The following ROBO1 variants were observed in gnomAD, a reference collection of about 807,000 sequenced individuals.
ROBO1 encodes roundabout homolog 1.
A neutral mutation model predicts 195.9 loss-of-function variants in ROBO1; 149 were observed. The observed-to-expected ratio is 0.76, with a 90% CI of 0.67 to 0.87. The LOEUF (loss-of-function observed/expected upper bound fraction) is 0.87, where lower values mean the gene tolerates loss of function less well. Ranked by LOEUF, ROBO1 falls within the 40% of genes least tolerant of loss-of-function variation. The pLI, the probability that ROBO1 is intolerant of heterozygous loss-of-function variation, is 0.00. For synonymous variants in ROBO1, 816 were observed against 733.2 expected (o/e 1.11, Z -1.82); for missense variants, 1,933 against 2,068.3 (o/e 0.93, Z 1.27).
intron 4 of ROBO1, among the ~76,000 whole-genome samples, chr3:78,789,640 C>A (rs116420236): frequency 1.6e-3 from 240 of 152,276 alleles, no homozygotes; most frequent in Non-Finnish European, 2.7e-3. Context: ...CTCTTTCACA[C>A]TCTTCATACC....
intron 1 of ROBO1, among the ~76,000 whole-genome samples, chr3:79,619,816 C>G (rs891624159): frequency 6.6e-6 from 1 of 152,124 alleles, no homozygotes; most frequent in Non-Finnish European, 1.5e-5. Context: ...TCTGAATATC[C>G]ATTTTATTAC....
intron 3 of ROBO1, among the ~76,000 whole-genome samples, chr3:79,075,311 A>G (rs1050160218): frequency 2.0e-5 from 3 of 152,010 alleles, no homozygotes; most frequent in African/African-American, 7.2e-5. Flanking sequence ...AGCTTCCTAC[A>G]TAGGTATGAA....
At chr3:78,904,137 C>G (rs993439785) in intron 4 of ROBO1, among the ~76,000 whole-genome samples, 1 of 151,220 alleles carries the variant, frequency 6.6e-6, no homozygotes, top group Admixed American at 6.6e-5. Flanking sequence ...CATATATATA[C>G]ATATATATAC....
intron 2 of ROBO1, among the ~76,000 whole-genome samples, chr3:79,166,205 A>C (rs116704839): frequency 1.2e-3 from 189 of 152,350 alleles, no homozygotes; most frequent in African/African-American, 4.4e-3. Flanking sequence ...TGAAGATCAT[A>C]AAGGCACAGA....
Position 79,746,484 on chromosome 3 carries a change from C to T in ROBO1, c.-51+21268G>A, listed in dbSNP as rs927448650. On this transcript the variant is annotated intron_variant, in intron 1 of 30. Coordinates refer to ENST00000464233, the MANE Select transcript of ROBO1 (RefSeq NM_002941.4). ...TTCCAACATCATCTTCTAAAACAAA[C>T]ATGTTGTAATAAGAGGTATTTTCAA... Among the ~76,000 whole-genome samples the T allele has an allele frequency of 3.9e-5, 6 of 152,098 alleles. No individual in the cohort carries two copies. In the East Asian group the frequency reaches 1.2e-3, roughly 29 times the overall value.
At position 79,098,226 on chromosome 3, in the gene ROBO1, T is replaced by C. The variant is rs78991349; in HGVS notation, c.172+27230A>G. Among the ~76,000 whole-genome samples the C allele has an allele frequency of 2.0e-3, 311 of 152,004 alleles. 1 individual carries two copies. The highest frequency in any genetic ancestry group is 7.2e-3 in the African/African-American group (298 of 41,540). ...TTATCATTGTGGACAGATCAATATG[T>C]AAATTGCTTACTTTTCTTTGTCCTT... On this transcript the variant is annotated intron_variant, in intron 3 of 30. Coordinates refer to ENST00000464233, the MANE Select transcript of ROBO1 (RefSeq NM_002941.4).
chr3:78,853,827 T>A (rs957651421), intron 4 of ROBO1, among the ~76,000 whole-genome samples: 1 of 152,092 alleles, frequency 6.6e-6, no homozygotes, highest in Non-Finnish European at 1.5e-5. Flanking sequence ...GGACATCTTA[T>A]GTGGTGGCAG....
At chr3:79,582,850 G>T (rs1943702303) in intron 2 of ROBO1, among the ~76,000 whole-genome samples, 1 of 151,840 alleles carries the variant, frequency 6.6e-6, no homozygotes, top group Admixed American at 6.6e-5. Context: ...CTGCACCTTG[G>T]CATGAGCCTG....
At chr3:78,643,345 T>G (rs1048853450) in intron 21 of ROBO1, among the ~76,000 whole-genome samples, 3 of 152,214 alleles carry the variant, frequency 2.0e-5, no homozygotes, top group Non-Finnish European at 2.9e-5. Flanking sequence ...GAGCCATAAT[T>G]CACTGACCTC....
chr3:78,689,144 G>T (rs2081115774), intron 8 of ROBO1, among the ~76,000 whole-genome samples: 2 of 152,052 alleles, frequency 1.3e-5, no homozygotes, highest in African/African-American at 2.4e-5. Context: ...TACACACAAG[G>T]ATCTCCTGAT....
At chr3:79,457,797 A>T (rs2039669518) in intron 2 of ROBO1, among the ~76,000 whole-genome samples, 1 of 152,058 alleles carries the variant, frequency 6.6e-6, no homozygotes, top group Non-Finnish European at 1.5e-5. Context: ...AGCCATGTGG[A>T]GCTCTGAGTC....
rs560573355 is a variant in ROBO1, at chr3:79,393,611, A to G, written c.88+196213T>C. On this transcript the variant is annotated intron_variant, in intron 2 of 30. Coordinates refer to ENST00000464233, the MANE Select transcript of ROBO1 (RefSeq NM_002941.4). Reference sequence around the variant, plus strand: ...AAGATCTCTATGGAATAGACACAATAAGGAAAGAGACAGGCCCAATGACCT... The same window carrying G: ...AAGATCTCTATGGAATAGACACAATGAGGAAAGAGACAGGCCCAATGACCT... 2.0e-5 allele frequency among the ~76,000 whole-genome samples: 3 copies of G among 152,102 alleles called. No individual in the cohort carries two copies. In the South Asian group the frequency reaches 6.2e-4, roughly 32 times the overall value.
chr3:79,195,283 T>C (rs1017974334), intron 2 of ROBO1, among the ~76,000 whole-genome samples: 4 of 151,690 alleles, frequency 2.6e-5, no homozygotes, highest in Admixed American at 6.6e-5. Flanking sequence ...GCTGGGCATA[T>C]AGTAAGTATT....
At chr3:79,051,152 G>C (rs958113313) in intron 3 of ROBO1, among the ~76,000 whole-genome samples, 1 of 151,862 alleles carries the variant, frequency 6.6e-6, no homozygotes, top group African/African-American at 2.4e-5. Flanking sequence ...AAAACACATA[G>C]ACCAATAGCA....
intron 4 of ROBO1, among the ~76,000 whole-genome samples, chr3:78,765,314 T>C (rs2083203032): frequency 6.6e-6 from 1 of 152,096 alleles, no homozygotes; most frequent in Admixed American, 6.6e-5. Context: ...AAAGATTCAT[T>C]CATTTGTAAG....
At chr3:78,848,967 G>T (rs990827081) in intron 4 of ROBO1, among the ~76,000 whole-genome samples, 1 of 152,078 alleles carries the variant, frequency 6.6e-6, no homozygotes. Context: ...AAATCAGGAT[G>T]AGAGGCTGGA....
At chr3:78,789,491 AT>A (rs376549348) in intron 4 of ROBO1, among the ~76,000 whole-genome samples, 14 of 152,326 alleles carry the variant, frequency 9.2e-5, no homozygotes, top group African/African-American at 3.1e-4. Flanking sequence ...CATAAATTAT[AT>A]TTCACACATA....
At chr3:78,819,086 T>G (rs1216025643) in intron 4 of ROBO1, among the ~76,000 whole-genome samples, 1 of 152,152 alleles carries the variant, frequency 6.6e-6, no homozygotes, top group Non-Finnish European at 1.5e-5. Flanking sequence ...TATCGCCCCG[T>G]GGACAACAGG....
At chr3:78,608,213 G>C (rs1261585383) in intron 28 of ROBO1, among the ~76,000 whole-genome samples, 1 of 152,114 alleles carries the variant, frequency 6.6e-6, no homozygotes, top group African/African-American at 2.4e-5. Context: ...CTCCCATCAA[G>C]TGATCCTCCC....
Sources: gnomAD v4.1 joint callset for allele counts (sites outside exome capture counted in the v4.1 genomes callset) on GRCh38, gnomAD v4.1.1 for gene constraint, MANE v1.5 for transcripts, NCBI Gene and HGNC (gene_info 2026-07-23, HGNC 2026-07-21) for gene names.